Variants in CHODL observed in about 807,000 individuals in gnomAD.
CHODL encodes transmembrane protein MT75.
In CHODL, 29 loss-of-function variants were observed where a neutral mutation model predicts 34.5. The ratio of observed to expected loss-of-function variants is 0.84; its 90% CI spans 0.63 to 1.15. The LOEUF (loss-of-function observed/expected upper bound fraction) is 1.15. CHODL is among the 50% of genes most tolerant of loss of function. The pLI, the probability that CHODL is intolerant of heterozygous loss-of-function variation, is 0.00. For synonymous variants in CHODL, 125 were observed against 116.1 expected, an observed-to-expected ratio of 1.08 and a Z score of -0.49; for missense variants, 332 against 332.5, an observed-to-expected ratio of 1.00 and a Z score of 0.01.
intron 2 of CHODL, among the ~76,000 whole-genome samples, chr21:18,163,668 C>T (rs1415421574): frequency 6.6e-6 from 1 of 152,098 alleles, no homozygotes; most frequent in Non-Finnish European, 1.5e-5. Context: ...CATTATAGTA[C>T]ATTTGCTAAC....
At chr21:18,078,169 G>A (rs1013481688) in intron 2 of CHODL, among the ~76,000 whole-genome samples, 8 of 152,144 alleles carry the variant, frequency 5.3e-5, no homozygotes, top group South Asian at 2.1e-4. Flanking sequence ...CCAAGACTGG[G>A]TAATGAGACT....
At chr21:18,262,647 A>AT in intron 4 of CHODL, 144 bp from the exon 5 acceptor site, 1 of 593,196 alleles carries the variant, frequency 1.7e-6, no homozygotes, top group Non-Finnish European at 3.0e-6. Flanking sequence ...ATTTCATTAG[A>AT]TTTTTCAATA....
At position 17,924,320 on chromosome 21, in the gene CHODL, A is replaced by T. The variant is rs188742153; in HGVS notation, c.-145+6920A>T. Among the ~76,000 whole-genome samples the T allele has an allele frequency of 5.7e-3, 865 of 152,324 alleles. 12 individuals are homozygous for T. Among genetic ancestry groups the T allele is most frequent in the African/African-American group, 0.02 (819 of 41,562 alleles). ...AGCCCAAGGGCCAGCAGGAGGGAGC[A>T]GTAAGTAGCCTGTGGGAGGAGAGGC... On this transcript the variant is annotated intron_variant, in intron 1 of 6. Coordinates refer to the CHODL transcript ENST00000400127.
chr21:18,226,737 CT>C (rs2073934716), intron 2 of CHODL, among the ~76,000 whole-genome samples: 3 of 151,856 alleles, frequency 2.0e-5, no homozygotes, highest in African/African-American at 7.3e-5. Flanking sequence ...ATCATGTTTT[CT>C]GTCATTTTGA....
intron 2 of CHODL, among the ~76,000 whole-genome samples, chr21:18,103,254 AT>A (rs1232247919): frequency 3.3e-5 from 5 of 152,196 alleles, no homozygotes; most frequent in Non-Finnish European, 5.9e-5. Context: ...TGTTAAGATA[AT>A]AAAGAAACTG....
At chr21:18,206,590 AT>A (rs959873272) in intron 2 of CHODL, among the ~76,000 whole-genome samples, 1 of 142,264 alleles carries the variant, frequency 7.0e-6, no homozygotes, top group Admixed American at 6.9e-5. Flanking sequence ...TTTTCTTTGT[AT>A]TTTTTTTTAA....
intron 1 of CHODL, among the ~76,000 whole-genome samples, chr21:17,946,367 C>T (rs2063409449): frequency 6.6e-6 from 1 of 152,104 alleles, no homozygotes; most frequent in Admixed American, 6.5e-5. Flanking sequence ...CTGCAGTGAG[C>T]CGAGATGGCG....
intron 2 of CHODL, among the ~76,000 whole-genome samples, chr21:18,135,425 G>T (rs2072709722): frequency 6.6e-6 from 1 of 151,890 alleles, no homozygotes; most frequent in Non-Finnish European, 1.5e-5. Flanking sequence ...TAAGAACACA[G>T]TTGCTTCGAT....
Position 18,256,985 on chromosome 21 carries a change from T to C in CHODL, c.405T>C (p.Asp135=). The C allele has an allele frequency of 6.2e-7, 1 of 1,613,232 alleles. No individual in the cohort carries two copies. Among genetic ancestry groups the C allele is most frequent in the Non-Finnish European group, 8.5e-7 (1 of 1,179,638 alleles). ...CTGTTTGCAGAAACTGGTACACAGATGAACCTTCCTGCGGAAGTGAAAAGT... is the reference window on the plus strand; with the variant it reads ...CTGTTTGCAGAAACTGGTACACAGACGAACCTTCCTGCGGAAGTGAAAAGT... ...SNSQYRNWYT[D]EPSCGSEKCV... is the part of the protein sequence containing the mutation. Residue 135 remains aspartate (D), a synonymous_variant, in exon 3 of 6, where the codon GAT becomes GAC. Transcript: ENST00000299295.
At chr21:18,127,165 A>G (rs1424665229) in intron 2 of CHODL, among the ~76,000 whole-genome samples, 2 of 151,134 alleles carry the variant, frequency 1.3e-5, no homozygotes, top group Admixed American at 1.3e-4. Context: ...ATGAGGAATA[A>G]TGATGATGGA....
At chr21:18,091,915 G>T (rs946798838) in intron 2 of CHODL, among the ~76,000 whole-genome samples, 1 of 152,176 alleles carries the variant, frequency 6.6e-6, no homozygotes, top group South Asian at 2.1e-4. Flanking sequence ...TGTGGTTTGA[G>T]TGCCAGCTTA....
chr21:18,061,584 T>C (rs1900455931), intron 2 of CHODL, among the ~76,000 whole-genome samples: 1 of 152,164 alleles, frequency 6.6e-6, no homozygotes, highest in African/African-American at 2.4e-5. Context: ...AAAATTATGG[T>C]AGAGCCCTTA....
intron 2 of CHODL, among the ~76,000 whole-genome samples, chr21:18,212,890 G>T (rs563936591): frequency 6.6e-6 from 1 of 152,204 alleles, no homozygotes; most frequent in South Asian, 2.1e-4. Flanking sequence ...TATCTTAGCT[G>T]GAACTACAAA....
At chr21:18,219,070 C>T (rs541664047) in intron 2 of CHODL, among the ~76,000 whole-genome samples, 1 of 152,204 alleles carries the variant, frequency 6.6e-6, no homozygotes, top group South Asian at 2.1e-4. Flanking sequence ...AAGTCGCTTC[C>T]ACATTTTTGG....
In CHODL at chr21:18,232,941, T is replaced by TTTTATATATATA. The variant is rs752640406; in HGVS notation, c.-44-23568_-44-23567insTTTATATATATA. 5.9e-4 allele frequency among the ~76,000 whole-genome samples: 58 copies of TTTTATATATATA among 97,600 alleles called. 1 individual carries two copies. The highest frequency in any genetic ancestry group is 2.4e-3 in the African/African-American group (45 of 18,804). The allele number at this position is 97,600 out of a possible 152,430, so 64.0% of individuals were successfully genotyped here. A position where few individuals can be genotyped will look rare whatever the true frequency, so the allele number is the denominator to read the frequency against. On this transcript the variant is annotated intron_variant, in intron 2 of 6. Transcript: ENST00000400127. ...TAATTATGGGGTCCACATGATGTTA[T>TTTTATATATATA]GATATATATATATATATATATATAT...
chr21:18,134,159 T>C (rs2072692303), intron 2 of CHODL, among the ~76,000 whole-genome samples: 1 of 152,134 alleles, frequency 6.6e-6, no homozygotes, highest in Non-Finnish European at 1.5e-5. Context: ...TATATTCACA[T>C]CTATGTTCTA....
chr21:18,124,021 A>G (rs1017039856), intron 2 of CHODL, among the ~76,000 whole-genome samples: 1 of 151,982 alleles, frequency 6.6e-6, no homozygotes, highest in East Asian at 1.9e-4. Context: ...CGTCTCTACT[A>G]AAAAATACAA....
At chr21:18,091,866 C>T (rs965891234) in intron 2 of CHODL, among the ~76,000 whole-genome samples, 4 of 152,142 alleles carry the variant, frequency 2.6e-5, no homozygotes, top group Admixed American at 2.0e-4. Context: ...GCTCCTCTGC[C>T]TGTGGAAAGG....
At chr21:17,959,518 T>G (rs1220069655) in intron 1 of CHODL, among the ~76,000 whole-genome samples, 1 of 152,138 alleles carries the variant, frequency 6.6e-6, no homozygotes, top group Non-Finnish European at 1.5e-5. Context: ...AATATTAACT[T>G]GAGAAAATTC....
Sources: allele counts gnomAD v4.1 joint callset (sites outside exome capture counted in the v4.1 genomes callset), GRCh38; gene constraint gnomAD v4.1.1; transcripts MANE v1.5; gene names NCBI Gene and HGNC (gene_info 2026-07-23, HGNC 2026-07-21).